KAZN: variants seen among roughly 807,000 people sequenced by gnomAD.
KAZN encodes kazrin.
In KAZN, 40 loss-of-function variants were observed where a neutral mutation model predicts 87.4. The ratio of observed to expected loss-of-function variants is 0.46; its 90% CI spans 0.36 to 0.60. KAZN has a LOEUF of 0.60. Among genes scored for constraint, KAZN ranks in the 20% least tolerant of loss-of-function variants. The pLI is 0.00. For missense variants in KAZN, 898 were observed against 1,073.9 expected (o/e 0.84, Z 2.29); for synonymous variants, 466 against 458.3 (o/e 1.02, Z -0.22).
At chr1:14,823,227 G>A (rs1368567847) in intron 1 of KAZN, among the ~76,000 whole-genome samples, 2 of 152,112 alleles carry the variant, frequency 1.3e-5, no homozygotes, top group East Asian at 1.9e-4. Context: ...AATCCACAAC[G>A]AACAGCTTCA....
chr1:14,994,076 C>T (rs1420577943), intron 2 of KAZN, among the ~76,000 whole-genome samples: 1 of 152,232 alleles, frequency 6.6e-6, no homozygotes, highest in Non-Finnish European at 1.5e-5. Flanking sequence ...GCTTTGATCC[C>T]TGGGCCCCCA....
intron 2 of KAZN, among the ~76,000 whole-genome samples, chr1:14,984,685 A>C (rs767178382): frequency 3.3e-5 from 5 of 152,160 alleles, no homozygotes; most frequent in Non-Finnish European, 7.3e-5. Context: ...GGAGGATGCC[A>C]GGCATGAGGC....
chr1:14,431,525 G>A (rs1414407789), intron 2 of KAZN, among the ~76,000 whole-genome samples: 4 of 152,190 alleles, frequency 2.6e-5, no homozygotes, highest in Admixed American at 2.6e-4. Flanking sequence ...TTGTTTCTGG[G>A]TGTGTCTCTG....
At chr1:14,449,835 C>G (rs1667170764) in intron 2 of KAZN, among the ~76,000 whole-genome samples, 1 of 152,174 alleles carries the variant, frequency 6.6e-6, no homozygotes, top group Non-Finnish European at 1.5e-5. Context: ...CTGACTTCAT[C>G]TCGGTTATTT....
chr1:14,835,378 CAG>C (rs1042304768), intron 1 of KAZN, among the ~76,000 whole-genome samples: 1 of 152,104 alleles, frequency 6.6e-6, no homozygotes, highest in Non-Finnish European at 1.5e-5. Context: ...GCTACAGCTC[CAG>C]AGAGTGTTTC....
chr1:14,089,628 C>T (rs1243134110), intron 1 of KAZN, among the ~76,000 whole-genome samples: 2 of 152,240 alleles, frequency 1.3e-5, no homozygotes, highest in Admixed American at 6.5e-5. Context: ...GTCTAAACTC[C>T]ACAGTACGTT....
At chr1:14,397,343 A>G (rs746481594) in intron 2 of KAZN, among the ~76,000 whole-genome samples, 1 of 152,162 alleles carries the variant, frequency 6.6e-6, no homozygotes, top group Non-Finnish European at 1.5e-5. Context: ...TGGCTTGTAG[A>G]TGGCCTCCTT....
chr1:13,992,801 G>A (rs905033642), intron 1 of KAZN, among the ~76,000 whole-genome samples: 2 of 152,066 alleles, frequency 1.3e-5, no homozygotes, highest in Non-Finnish European at 2.9e-5. Flanking sequence ...CATATTAGAG[G>A]AGAAAAACCA....
At chr1:14,505,943 C>T (rs554916669) in intron 2 of KAZN, among the ~76,000 whole-genome samples, 1 of 152,174 alleles carries the variant, frequency 6.6e-6, no homozygotes, top group Non-Finnish European at 1.5e-5. Flanking sequence ...CACTGTACTC[C>T]AGCCTGGGCA....
At chr1:14,454,406 A>T (rs1667452485) in intron 2 of KAZN, among the ~76,000 whole-genome samples, 1 of 152,218 alleles carries the variant, frequency 6.6e-6, no homozygotes. Context: ...TTTCTGATTT[A>T]CAAGTTTTCT....
chr1:14,114,983 C>T (rs1644583428), intron 1 of KAZN, among the ~76,000 whole-genome samples: 1 of 152,232 alleles, frequency 6.6e-6, no homozygotes, highest in African/African-American at 2.4e-5. Context: ...GTACAAACCC[C>T]ACCTTCTTAG....
At chr1:14,809,744 T>C (rs1385181397) in intron 1 of KAZN, among the ~76,000 whole-genome samples, 1 of 152,110 alleles carries the variant, frequency 6.6e-6, no homozygotes, top group Non-Finnish European at 1.5e-5. Context: ...GCCGTGTGGG[T>C]GGTAGGCATT....
At chr1:14,550,049 G>C (rs1219960936) in intron 2 of KAZN, among the ~76,000 whole-genome samples, 4 of 152,190 alleles carry the variant, frequency 2.6e-5, no homozygotes, top group Admixed American at 2.6e-4. Context: ...TTAGTTTCTG[G>C]TTCCGTTGAC....
In KAZN at chr1:14,117,442, G is replaced by A. The variant is rs769569588; in HGVS notation, c.92-62993G>A. Among the ~76,000 whole-genome samples, 154 of 152,276 alleles carry A rather than the reference G, an allele frequency of 1.0e-3. 1 individual carries two copies. The highest frequency in any genetic ancestry group is 2.0e-3 in the Admixed American group (31 of 15,290). On this transcript the variant is annotated intron_variant, in intron 1 of 16. Coordinates refer to the KAZN transcript ENST00000636203. Reference sequence around the variant, plus strand: ...ATGCCTTTCACCTTCCGCCATGATTGTGAGGCCTACCCAGCTACACTGAAG... The same window carrying A: ...ATGCCTTTCACCTTCCGCCATGATTATGAGGCCTACCCAGCTACACTGAAG...
intron 1 of KAZN, among the ~76,000 whole-genome samples, chr1:14,811,658 A>G (rs540657996): frequency 6.6e-6 from 1 of 152,350 alleles, no homozygotes. Context: ...TATCAATTCT[A>G]AAGCACACGT....
intron 1 of KAZN, among the ~76,000 whole-genome samples, chr1:14,715,254 G>A (rs1186531066): frequency 6.6e-6 from 1 of 152,188 alleles, no homozygotes; most frequent in African/African-American, 2.4e-5. Context: ...CCAGAATAGT[G>A]GCTGGAAAAG....
chr1:15,026,931 A>C (rs148552681), intron 2 of KAZN, among the ~76,000 whole-genome samples: 1 of 152,136 alleles, frequency 6.6e-6, no homozygotes, highest in Non-Finnish European at 1.5e-5. Context: ...GGACTTGAGC[A>C]TCGGTGGATT....
At chr1:14,670,920 T>A (rs992482317) in intron 1 of KAZN, among the ~76,000 whole-genome samples, 3 of 152,164 alleles carry the variant, frequency 2.0e-5, no homozygotes, top group African/African-American at 7.2e-5. Flanking sequence ...ACATTTTTAG[T>A]AATCACGGCT....
chr1:14,704,311 CTT>C (rs1415999632), intron 1 of KAZN, among the ~76,000 whole-genome samples: 1 of 152,228 alleles, frequency 6.6e-6, no homozygotes, highest in Non-Finnish European at 1.5e-5. Context: ...CATGGACAAA[CTT>C]CTAGACCTTC....
Sources: allele counts gnomAD v4.1 joint callset (sites outside exome capture counted in the v4.1 genomes callset), GRCh38; gene constraint gnomAD v4.1.1; transcripts MANE v1.5; gene names NCBI Gene and HGNC (gene_info 2026-07-23, HGNC 2026-07-21).